The following SPEF2 variants were observed in gnomAD, a reference collection of about 807,000 sequenced individuals.
SPEF2 encodes the protein sperm flagellar and cilia associated 2.
A neutral mutation model predicts 224.6 loss-of-function variants in SPEF2; 187 were observed. The ratio of observed to expected loss-of-function variants is 0.83; its 90% confidence interval spans 0.74 to 0.94. SPEF2 has a LOEUF of 0.94. Ranked by LOEUF, SPEF2 falls within the 40% of genes least tolerant of loss-of-function variation. The pLI is 0.00. For synonymous variants in SPEF2, 715 were observed against 707.3 expected (o/e 1.01, Z -0.17); for missense variants, 2,170 against 2,135.6 (o/e 1.02, Z -0.32).
In SPEF2 at chr5:35,793,157, A is replaced by G. The variant is rs377566455; in HGVS notation, c.4555-2A>G. On this transcript the variant is annotated splice_acceptor_variant, in intron 31 of 36. Transcript: ENST00000356031. LOFTEE classifies it high-confidence loss of function. ...CCAAAGATATTTCCTGTTTTCTTCTAGTTACAGGAATTAACATCTTTATTA... is the reference window on the plus strand; with the variant it reads ...CCAAAGATATTTCCTGTTTTCTTCTGGTTACAGGAATTAACATCTTTATTA... 9 of 1,612,426 alleles carry G rather than the reference A, an allele frequency of 5.6e-6. No individual in the cohort carries two copies. The highest frequency in any genetic ancestry group is 1.3e-5 in the African/African-American group (1 of 74,886).
intron 20 of SPEF2, among the ~76,000 whole-genome samples, chr5:35,713,476 C>G (rs1236904873): frequency 6.6e-6 from 1 of 151,848 alleles, no homozygotes; most frequent in African/African-American, 2.4e-5. Flanking sequence ...TGGCTCATGC[C>G]TGTAATCCCA....
intron 34 of SPEF2, among the ~76,000 whole-genome samples, chr5:35,800,623 A>T (rs2149854521): frequency 6.6e-6 from 1 of 152,324 alleles, no homozygotes; most frequent in South Asian, 2.1e-4. Context: ...AAAGAAGCTT[A>T]ATATCTGATT....
intron 16 of SPEF2, among the ~76,000 whole-genome samples, chr5:35,703,389 A>T (rs1739084173): frequency 6.6e-6 from 1 of 152,226 alleles, no homozygotes; most frequent in Non-Finnish European, 1.5e-5. Flanking sequence ...GATAATGCAG[A>T]TAAATTTGGA....
At position 35,763,716 on chromosome 5, in the gene SPEF2, G is replaced by C. The variant is rs79359099; in HGVS notation, c.3801+14G>C. The C allele has an allele frequency of 1.3e-6, 2 of 1,588,802 alleles. No individual in the cohort carries two copies. Among genetic ancestry groups the C allele is most frequent in the African/African-American group, 1.4e-5 (1 of 73,662 alleles). On this transcript the variant is annotated intron_variant, in intron 26 of 36. Coordinates refer to ENST00000356031, the MANE Select transcript of SPEF2 (RefSeq NM_024867.4). ...GTATCTCACATGGTAAGCAGTGCTC[G>C]TTATATTTTCTGTTAGTAATACACA...
intron 21 of SPEF2, among the ~76,000 whole-genome samples, chr5:35,731,330 G>C (rs1745605768): frequency 6.6e-6 from 1 of 152,174 alleles, no homozygotes; most frequent in Non-Finnish European, 1.5e-5. Context: ...TTTGTATTCA[G>C]TTAAGAAATA....
rs772246559 is a variant in SPEF2, at chr5:35,740,036, T to C, written c.3181T>C (p.Tyr1061His). 2 of 1,614,144 alleles carry C rather than the reference T, an allele frequency of 1.2e-6. No homozygotes were observed. Among genetic ancestry groups the C allele is most frequent in the Non-Finnish European group, 1.7e-6 (2 of 1,180,000 alleles). ...EDQHTVLAYL[Y>H]EIRTSFQEFL... Reference sequence around the variant, plus strand: ...CCAGCATACTGTGCTTGCTTACTTATATGAGATTAGGTAAGTAATGTTTCC... The same window carrying C: ...CCAGCATACTGTGCTTGCTTACTTACATGAGATTAGGTAAGTAATGTTTCC... The change falls in exon 22 of 37, where the codon TAT (tyrosine) becomes CAT (histidine). Residue 1061 changes from tyrosine (Y) to histidine (H), a missense_variant. By Grantham distance (83) the Tyr-to-His change is moderately conservative. Coordinates refer to ENST00000356031, the MANE Select transcript of SPEF2 (RefSeq NM_024867.4).
At chr5:35,785,711 T>A (rs936831104) in intron 30 of SPEF2, among the ~76,000 whole-genome samples, 2 of 150,340 alleles carry the variant, frequency 1.3e-5, no homozygotes, top group Non-Finnish European at 2.9e-5. Flanking sequence ...TTTGTTTTTT[T>A]AATTTTCTTC....
intron 30 of SPEF2, among the ~76,000 whole-genome samples, chr5:35,786,048 C>G (rs557677006): frequency 1.3e-5 from 2 of 152,320 alleles, no homozygotes; most frequent in East Asian, 1.9e-4. Context: ...GCTGAATGAT[C>G]TAGCTTAACC....
At chr5:35,678,327 A>G (rs907596280) in intron 10 of SPEF2, among the ~76,000 whole-genome samples, 2 of 152,278 alleles carry the variant, frequency 1.3e-5, no homozygotes, top group Admixed American at 1.3e-4. Context: ...GCCACCCACA[A>G]TCTGCTTCTA....
At chr5:35,711,661 T>A (rs1330423496) in intron 19 of SPEF2, among the ~76,000 whole-genome samples, 1 of 140,782 alleles carries the variant, frequency 7.1e-6, no homozygotes, top group Non-Finnish European at 1.6e-5. Context: ...TCTTCCAAAT[T>A]TAGTGGTCAA....
In SPEF2 at chr5:35,762,839, C is replaced by A. The variant is rs554760046; in HGVS notation, c.3621-683C>A. On this transcript the variant is annotated intron_variant, in intron 25 of 36. Transcript: ENST00000356031. ...CAGAGGCAGCTCAAAAATTTCTACA[C>A]AGGAGCAGCAATAAGGGAAGAGGGA... is the stretch of plus-strand genomic sequence containing the variant. Among the ~76,000 whole-genome samples, 73 of 152,288 alleles carry A rather than the reference C, an allele frequency of 4.8e-4. No homozygotes were observed. The South Asian group carries it at 0.015, about 31-fold the overall frequency.
intron 24 of SPEF2, among the ~76,000 whole-genome samples, chr5:35,758,212 T>G (rs1750723853): frequency 6.6e-6 from 1 of 151,548 alleles, no homozygotes; most frequent in African/African-American, 2.4e-5. Flanking sequence ...ATTAGGTCAA[T>G]TTTGTTTTTC....
intron 34 of SPEF2, among the ~76,000 whole-genome samples, chr5:35,803,119 G>C (rs1457994323): frequency 1.3e-5 from 2 of 151,914 alleles, no homozygotes; most frequent in Non-Finnish European, 2.9e-5. Context: ...AAGAAGTGAA[G>C]AAGGAAGAGA....
At chr5:35,765,062 C>A (rs1387614498) in intron 26 of SPEF2, among the ~76,000 whole-genome samples, 1 of 152,118 alleles carries the variant, frequency 6.6e-6, no homozygotes. Flanking sequence ...CATTTCTAAC[C>A]CACTTCGAAT....
At chr5:35,713,106 C>T (rs894534312) in intron 20 of SPEF2, among the ~76,000 whole-genome samples, 3 of 152,092 alleles carry the variant, frequency 2.0e-5, no homozygotes, top group Admixed American at 2.0e-4. Flanking sequence ...ATAATTTAGA[C>T]AATATCTAAT....
intron 34 of SPEF2, among the ~76,000 whole-genome samples, chr5:35,802,804 G>A (rs1219432339): frequency 2.0e-5 from 3 of 152,130 alleles, no homozygotes; most frequent in African/African-American, 7.2e-5. Context: ...GGAAGTGAGA[G>A]GGAGAGGACC....
chr5:35,668,578 A>G (rs1053890664), intron 9 of SPEF2, among the ~76,000 whole-genome samples: 1 of 152,108 alleles, frequency 6.6e-6, no homozygotes, highest in Admixed American at 6.6e-5. Flanking sequence ...AAGGTTCTGT[A>G]TCTTGACTGT....
chr5:35,730,040 C>G (rs1047836118), intron 21 of SPEF2, among the ~76,000 whole-genome samples: 2 of 152,178 alleles, frequency 1.3e-5, no homozygotes, highest in Admixed American at 6.5e-5. Flanking sequence ...AAGACAGATG[C>G]CCAGTTCAAC....
At chr5:35,652,697 T>G (rs2149432610) in intron 6 of SPEF2, among the ~76,000 whole-genome samples, 1 of 152,304 alleles carries the variant, frequency 6.6e-6, no homozygotes, top group South Asian at 2.1e-4. Context: ...CTTCTCTTAT[T>G]CACTAGGAGA....
Sources: gnomAD v4.1 joint callset for allele counts (sites outside exome capture counted in the v4.1 genomes callset) on GRCh38, gnomAD v4.1.1 for gene constraint, MANE v1.5 for transcripts, NCBI Gene and HGNC (gene_info 2026-07-23, HGNC 2026-07-21) for gene names.